TNFSF15: variants seen among roughly 807,000 people sequenced by gnomAD.
TNFSF15 encodes the protein tumor necrosis factor ligand superfamily member 15.
In TNFSF15, 15 loss-of-function variants were observed where a neutral mutation model predicts 26.4. That is an observed-to-expected ratio of 0.57 (90% CI 0.38 to 0.87). The LOEUF (loss-of-function observed/expected upper bound fraction) is 0.87. Ranked by LOEUF, TNFSF15 falls within the 40% of genes least tolerant of loss-of-function variation. TNFSF15 has a pLI of 0.00. For synonymous variants in TNFSF15, 116 were observed against 115.0 expected (o/e 1.01, Z -0.06); for missense variants, 290 against 306.1 (o/e 0.95, Z 0.39).
In TNFSF15 at chr9:114,805,834, C is replaced by T. The variant is rs1028941301; in HGVS notation, c.179G>A (p.Arg60Gln). 5 of 1,613,522 alleles carry T rather than the reference C, an allele frequency of 3.1e-6. No homozygotes were observed. The highest frequency in any genetic ancestry group is 3.4e-6 in the Non-Finnish European group (4 of 1,180,036). Residue 60 changes from arginine to glutamine, a missense_variant, in exon 1 of 4, where the codon CGG becomes CAG. Arg to Gln is a conservative substitution (Grantham distance 43). Around this residue, in one of 3 missense-constraint regions of TNFSF15, gnomAD observed 179 missense variants for 165.9 expected, o/e 1.08. Transcript: ENST00000374045. Reference protein sequence around the residue: ...LTTYLLVSQLRAQGEACVQFQ... With the variant: ...LTTYLLVSQLQAQGEACVQFQ... ...CTGCACACAGGCCTCTCCCTGGGCC[C>T]GGAGCTGGCTGACAAGCAGGTATGT...
intron 1 of TNFSF15, among the ~76,000 whole-genome samples, chr9:114,799,260 G>C (rs148371011): frequency 6.6e-6 from 1 of 152,114 alleles, no homozygotes; most frequent in Non-Finnish European, 1.5e-5. Context: ...CTGTTTCCTC[G>C]TCAATAAAAG....
rs1026134278 is a variant in TNFSF15 at position 114,790,911 on chromosome 9, A to G, written c.302-5T>C. 27 of 1,613,126 alleles carry G rather than the reference A, an allele frequency of 1.7e-5. No individual in the cohort carries two copies. The Admixed American group carries it at 3.5e-4, about 21-fold the overall frequency. On this transcript the variant is annotated splice_region_variant and splice_polypyrimidine_tract_variant and intron_variant, in intron 3 of 3. Coordinates refer to ENST00000374045, the MANE Select transcript of TNFSF15 (RefSeq NM_005118.4). ...GTGTGGGAGTTTGTCTCACAACTGG[A>G]AAGACAAGAAAGAGGATTAATTTTC...
At chr9:114,801,316 G>A (rs1211714361) in intron 1 of TNFSF15, among the ~76,000 whole-genome samples, 2 of 152,198 alleles carry the variant, frequency 1.3e-5, no homozygotes, top group African/African-American at 2.4e-5. Context: ...ATACTGTAGG[G>A]CCCAAAGAAT....
At chr9:114,795,518 A>G (rs947610993) in intron 1 of TNFSF15, among the ~76,000 whole-genome samples, 1 of 152,244 alleles carries the variant, frequency 6.6e-6, no homozygotes, top group African/African-American at 2.4e-5. Context: ...ATTTACATGT[A>G]TTAGCATTTA....
Position 114,790,599 on chromosome 9 carries a change from T to G in TNFSF15, c.609A>C (p.Glu203Asp). 6.2e-7 allele frequency: 1 copy of G among 1,614,106 alleles called. No homozygotes were observed. ...TGGGCTGGAACCAGTTGCTACCTACTTCGCATACAGACTTGGTCCCCATGA... is the reference window on the plus strand; with the variant it reads ...TGGGCTGGAACCAGTTGCTACCTACGTCGCATACAGACTTGGTCCCCATGA... ...QLLMGTKSVC[E>D]VGSNWFQPIY... Residue 203 changes from glutamate (E) to aspartate (D), a missense_variant, in exon 4 of 4, where the codon GAA becomes GAC. Coordinates refer to ENST00000374045, the MANE Select transcript of TNFSF15 (RefSeq NM_005118.4).
At chr9:114,804,659 G>A (rs560833141) in intron 1 of TNFSF15, among the ~76,000 whole-genome samples, 17 of 152,286 alleles carry the variant, frequency 1.1e-4, no homozygotes, top group Middle Eastern at 3.4e-3. Context: ...CATGACCTGC[G>A]GTTCTTCTTT....
At position 114,806,032 on chromosome 9, in the gene TNFSF15, G is replaced by A; in HGVS notation, c.-20C>T. ...GGCCATGCTCCTGCTGCTCCTGGAGGCACCTCTGACTCCTGGGCAGAGAGA... is the reference window on the plus strand; with the variant it reads ...GGCCATGCTCCTGCTGCTCCTGGAGACACCTCTGACTCCTGGGCAGAGAGA... On this transcript the variant is annotated 5_prime_UTR_variant, in exon 1 of 4. Transcript: ENST00000374045. 4 of 1,610,064 alleles carry A rather than the reference G, an allele frequency of 2.5e-6. No homozygotes were observed. Among genetic ancestry groups the A allele is most frequent in the Non-Finnish European group, 3.4e-6 (4 of 1,177,348 alleles).
At position 114,788,084 on chromosome 9, in the gene TNFSF15, T is replaced by A. The variant is rs1829534919; in HGVS notation, c.*2368A>T. ...ATTTTATGTTTTTAATGGGTGTTAG[T>A]TCTGATCATGGAGCTAGACTAGAGT... On this transcript the variant is annotated 3_prime_UTR_variant, in exon 4 of 4. Transcript: ENST00000374045. The A allele has an allele frequency of 6.5e-6, 1 of 153,770 alleles. No homozygotes were observed. The highest frequency in any genetic ancestry group is 1.5e-5 in the Non-Finnish European group (1 of 68,030). The allele number at this position is 153,770 out of a possible 1,614,324, so 9.5% of individuals were successfully genotyped here. A position where few individuals can be genotyped will look rare whatever the true frequency, so the allele number is the denominator to read the frequency against.
At chr9:114,798,015 G>C (rs1402574632) in intron 1 of TNFSF15, among the ~76,000 whole-genome samples, 1 of 152,114 alleles carries the variant, frequency 6.6e-6, no homozygotes, top group South Asian at 2.1e-4. Context: ...TCAGAGAGGG[G>C]GTGAGGATGC....
At chr9:114,805,715 T>G in intron 1 of TNFSF15, 88 bp downstream of exon 1, 1 of 1,303,248 alleles carries the variant, frequency 7.7e-7, no homozygotes, top group East Asian at 2.4e-5. Context: ...ATCAAGAAAC[T>G]CTATCCTCTG....
intron 1 of TNFSF15, among the ~76,000 whole-genome samples, chr9:114,794,270 A>G (rs1829647785): frequency 6.6e-6 from 1 of 152,246 alleles, no homozygotes; most frequent in African/African-American, 2.4e-5. Context: ...TGAGGTGAAG[A>G]GCAAATCAGA....
intron 2 of TNFSF15, 107 bp downstream of exon 2, chr9:114,793,419 C>T: frequency 7.4e-7 from 1 of 1,357,748 alleles, no homozygotes; most frequent in Admixed American, 1.7e-5. Flanking sequence ...CATCCCTCAG[C>T]TTAGCAACTT....
chr9:114,794,721 C>T (rs911565230), intron 1 of TNFSF15, among the ~76,000 whole-genome samples: 1 of 152,132 alleles, frequency 6.6e-6, no homozygotes, highest in Admixed American at 6.6e-5. Flanking sequence ...ACGTTATTTG[C>T]AGCAACATGG....
At chr9:114,793,382 C>T in intron 2 of TNFSF15, 144 bp downstream of exon 2, 1 of 948,838 alleles carries the variant, frequency 1.1e-6, no homozygotes, top group Non-Finnish European at 1.6e-6. Context: ...GTGCCTGCAG[C>T]AGAGCCTCAT....
intron 3 of TNFSF15, 68 bp from the exon 4 acceptor site, chr9:114,790,974 CAT>C: frequency 1.3e-6 from 2 of 1,490,584 alleles, no homozygotes; most frequent in Non-Finnish European, 1.9e-6. Context: ...AAAAGTGTCT[CAT>C]ATCATTTTCA....
intron 1 of TNFSF15, 109 bp from the exon 2 acceptor site, chr9:114,793,677 G>A: frequency 9.8e-7 from 1 of 1,017,200 alleles, no homozygotes; most frequent in Non-Finnish European, 1.5e-6. Context: ...GCCCAGCCTG[G>A]GTACTCTGTG....
chr9:114,798,736 T>A (rs968309708), intron 1 of TNFSF15, among the ~76,000 whole-genome samples: 2 of 152,158 alleles, frequency 1.3e-5, no homozygotes, highest in Non-Finnish European at 2.9e-5. Context: ...AAACATCAGC[T>A]CAGTGTACAA....
chr9:114,790,345 C>T lies in TNFSF15; in HGVS notation c.*107G>A. The T allele has an allele frequency of 3.5e-6, 4 of 1,146,158 alleles. No individual in the cohort carries two copies. Among genetic ancestry groups the T allele is most frequent in the Non-Finnish European group, 5.0e-6 (4 of 806,994 alleles). 71.0% of individuals were successfully genotyped at this position (1,146,158 alleles called of 1,614,324 possible). On this transcript the variant is annotated 3_prime_UTR_variant, in exon 4 of 4. Transcript: ENST00000374045. ...CTAAACCGTTGTCCCTGTGGAATGC[C>T]CCCTACTCCCGGCCCCAAGAAAACC...
chr9:114,798,146 A>G (rs983228835), intron 1 of TNFSF15, among the ~76,000 whole-genome samples: 1 of 152,208 alleles, frequency 6.6e-6, no homozygotes, highest in African/African-American at 2.4e-5. Flanking sequence ...CTCTGTGTGG[A>G]GCATAGCTGT....
Sources: allele counts gnomAD v4.1 joint callset (sites outside exome capture counted in the v4.1 genomes callset), GRCh38; gene constraint gnomAD v4.1.1; regional missense constraint gnomAD v4.1.1; transcripts MANE v1.5; gene names NCBI Gene and HGNC (gene_info 2026-07-23, HGNC 2026-07-21).